COG6: variants seen among roughly 807,000 people sequenced by gnomAD.
COG6 encodes the protein component of oligomeric golgi complex 6, also known as conserved oligomeric Golgi complex subunit 6.
In COG6, 74 loss-of-function variants were observed where a neutral mutation model predicts 88.8. That is an observed-to-expected ratio of 0.83 (90% CI 0.69 to 1.01). COG6 has a LOEUF of 1.01. Ranked by LOEUF, COG6 falls within the 50% of genes least tolerant of loss-of-function variation. COG6 has a pLI of 0.00. For synonymous variants in COG6, 286 were observed against 278.7 expected, an observed-to-expected ratio of 1.03 and a Z score of -0.26; for missense variants, 800 against 797.9, an observed-to-expected ratio of 1.00 and a Z score of -0.03.
intron 18 of COG6, among the ~76,000 whole-genome samples, chr13:39,766,524 TACCCCATCCCATACTCCCTCCTA>T (rs1228829514): frequency 6.6e-4 from 100 of 152,236 alleles, no homozygotes; most frequent in Non-Finnish European, 1.3e-3. Flanking sequence ...TTCCCCATCC[TACCCCATCCCATACTCCCTCCTA>T]ACCCCATCCC....
At chr13:39,753,188 T>C (rs1466884463), downstream of COG6, among the ~76,000 whole-genome samples, 1 of 152,136 alleles carries the variant, frequency 6.6e-6, no homozygotes, top group East Asian at 1.9e-4. Flanking sequence ...GGTGATTAGA[T>C]TGTCAGGATG....
chr13:39,699,483 A>G lies in COG6; in HGVS notation c.1167-18A>G, dbSNP rs1877452030. The stretch of plus-strand genomic sequence containing the variant: ...TTTCAGTTTCTGTTTTGCAACCTGA[A>G]ATATTCTTTGCTTTTAGTGGTATTG... On this transcript the variant is annotated intron_variant, in intron 12 of 18. Transcript: ENST00000455146. 2 of 1,228,414 alleles carry G rather than the reference A, an allele frequency of 1.6e-6. No homozygotes were observed. Among genetic ancestry groups the G allele is most frequent in the South Asian group, 1.2e-5 (1 of 83,244 alleles). 76.1% of individuals were successfully genotyped at this position (1,228,414 alleles called of 1,614,324 possible).
At chr13:39,766,035 G>T (rs907694019) in intron 18 of COG6, among the ~76,000 whole-genome samples, 1 of 152,158 alleles carries the variant, frequency 6.6e-6, no homozygotes, top group African/African-American at 2.4e-5. Flanking sequence ...CCTGATAACT[G>T]TGCCAGCCTG....
Position 39,712,236 on chromosome 13 carries a change from T to C in COG6, c.1285-7000T>C, listed in dbSNP as rs181217148. Among the ~76,000 whole-genome samples the C allele has an allele frequency of 2.6e-3, 402 of 152,274 alleles. 2 individuals carry two copies. Among genetic ancestry groups the C allele is most frequent in the Admixed American group, 7.6e-3 (117 of 15,296 alleles). ...CTTAATTCTTTTTTTTGGAAACATC[T>C]TTAATACTGTACTTATGGATCCCAT... On this transcript the variant is annotated intron_variant, in intron 13 of 18. Transcript: ENST00000455146.
At position 39,687,439 on chromosome 13, in the gene COG6, G is replaced by C. The variant is rs975553430; in HGVS notation, c.789-64G>C. 4 of 1,457,236 alleles carry C rather than the reference G, an allele frequency of 2.7e-6. No individual in the cohort carries two copies. In the African/African-American group the frequency reaches 5.6e-5, roughly 20 times the overall value. The allele number at this position is 1,457,236 out of a possible 1,614,324, so 90.3% of individuals were successfully genotyped here. Reference sequence around the variant, plus strand: ...TACTTGGTTGTCTCAGAAATTGCGTGAATAGTCTGATATAGCCACTAGAAA... The same window carrying C: ...TACTTGGTTGTCTCAGAAATTGCGTCAATAGTCTGATATAGCCACTAGAAA... On this transcript the variant is annotated intron_variant, in intron 8 of 18. Transcript: ENST00000455146.
intron 18 of COG6, among the ~76,000 whole-genome samples, chr13:39,786,350 C>T (rs1051684054): frequency 1.3e-5 from 2 of 152,132 alleles, no homozygotes; most frequent in Admixed American, 1.3e-4. Context: ...TGGCTCGGCC[C>T]CTTTTAATCC....
rs1424310401 is a variant in COG6, at chr13:39,665,080, A to G, written c.370-16A>G. 6.0e-6 allele frequency: 7 copies of G among 1,173,386 alleles called. No homozygotes were observed. 72.7% of individuals were successfully genotyped at this position (1,173,386 alleles called of 1,614,324 possible). ...AAATTGGAATTTACTTATATTAGAT[A>G]TGTTTATAATTTTAGGCAGCAAAGG... is the stretch of plus-strand genomic sequence containing the variant. On this transcript the variant is annotated splice_polypyrimidine_tract_variant and intron_variant, in intron 3 of 18. Coordinates refer to ENST00000455146, the MANE Select transcript of COG6 (RefSeq NM_020751.3).
rs146571232 is a variant in COG6, at chr13:39,722,452, C to T, written c.1585-881C>T. 1.5e-4 allele frequency among the ~76,000 whole-genome samples: 23 copies of T among 151,824 alleles called. No individual in the cohort carries two copies. The East Asian group carries it at 3.1e-3, about 20-fold the overall frequency. On this transcript the variant is annotated intron_variant, in intron 15 of 18. Transcript: ENST00000455146. ...ATCAGTTCTAAGTTTTTTAGGGGGA[C>T]GAGCAGAGCTATTGGAGTTGCTTGG... is the stretch of plus-strand genomic sequence containing the variant.
At chr13:39,725,059 T>A in intron 17 of COG6, among the ~76,000 whole-genome samples, 1 of 151,862 alleles carries the variant, frequency 6.6e-6, no homozygotes, top group East Asian at 1.9e-4. Context: ...TTTTGCATGA[T>A]CACTACTTTT....
chr13:39,735,576 G>C (rs943606606), intron 18 of COG6, among the ~76,000 whole-genome samples: 1 of 151,994 alleles, frequency 6.6e-6, no homozygotes, highest in African/African-American at 2.4e-5. Flanking sequence ...GTGTTTTTCT[G>C]TGTACCTAGT....
At chr13:39,655,917 GC>G (rs769219721) in intron 1 of COG6, 38 bp downstream of exon 1, 2 of 1,584,470 alleles carry the variant, frequency 1.3e-6, no homozygotes, top group East Asian at 4.6e-5. Context: ...ACAGGTTCCT[GC>G]GGGGCTGAGC....
chr13:39,744,428 G>A (rs1197661562), intron 18 of COG6, among the ~76,000 whole-genome samples: 1 of 152,096 alleles, frequency 6.6e-6, no homozygotes, highest in Non-Finnish European at 1.5e-5. Context: ...AAATCAATGT[G>A]CAAAAATCAC....
At chr13:39,757,444 A>G (rs1437376094), downstream of COG6, among the ~76,000 whole-genome samples, 1 of 152,068 alleles carries the variant, frequency 6.6e-6, no homozygotes, top group African/African-American at 2.4e-5. Flanking sequence ...GAAAAAAGGA[A>G]ATAATAAAGA....
intron 11 of COG6, among the ~76,000 whole-genome samples, chr13:39,693,939 C>T (rs1246906470): frequency 6.6e-6 from 1 of 151,844 alleles, no homozygotes; most frequent in East Asian, 1.9e-4. Context: ...AGAATGTAAG[C>T]AGTAGCTTAA....
At chr13:39,765,570 C>G (rs897820033) in intron 18 of COG6, among the ~76,000 whole-genome samples, 1 of 152,154 alleles carries the variant, frequency 6.6e-6, no homozygotes, top group Non-Finnish European at 1.5e-5. Context: ...GCAAGTATGT[C>G]AGATTGATTT....
At chr13:39,682,503 C>T in intron 8 of COG6, 1 of 427,148 alleles carries the variant, frequency 2.3e-6, no homozygotes, top group South Asian at 2.5e-5. Context: ...TAGACTACCT[C>T]TTACTTATAT....
At chr13:39,674,315 TCTTTA>T (rs202231136) in intron 4 of COG6, among the ~76,000 whole-genome samples, 2,043 of 152,182 alleles carry the variant, frequency 0.013, 51 homozygotes, top group African/African-American at 0.046. Context: ...CATTTATATT[TCTTTA>T]CTTTTTTTGT....
chr13:39,744,851 A>G (rs1397986199), intron 18 of COG6, among the ~76,000 whole-genome samples: 1 of 152,230 alleles, frequency 6.6e-6, no homozygotes, highest in Non-Finnish European at 1.5e-5. Context: ...ACTTCAAACT[A>G]TACTACAAGG....
At chr13:39,724,704 G>C (rs982194858) in intron 17 of COG6, 143 bp downstream of exon 17, 18 of 691,578 alleles carry the variant, frequency 2.6e-5, no homozygotes, top group African/African-American at 1.8e-4. Flanking sequence ...AATAATGACT[G>C]AGCCTGTATT....
Sources: gnomAD v4.1 joint callset for allele counts (sites outside exome capture counted in the v4.1 genomes callset) on GRCh38, gnomAD v4.1.1 for gene constraint, MANE v1.5 for transcripts, NCBI Gene and HGNC (gene_info 2026-07-23, HGNC 2026-07-21) for gene names.